The following GRIA4 variants were observed in gnomAD, a reference collection of about 807,000 sequenced individuals.
GRIA4 encodes glutamate ionotropic receptor AMPA type subunit 4, also known as glutamate receptor 4.
Under a neutral mutation model 104.0 loss-of-function variants are expected in GRIA4, and 34 were observed. The ratio of observed to expected loss-of-function variants is 0.33; its 90% CI spans 0.25 to 0.44. GRIA4 has a LOEUF of 0.44. Ranked by LOEUF, GRIA4 falls within the 20% of genes least tolerant of loss-of-function variation. The pLI, the probability that GRIA4 is intolerant of heterozygous loss-of-function variation, is 1.00. For synonymous variants in GRIA4, 386 were observed against 381.9 expected (o/e 1.01, Z -0.13); for missense variants, 750 against 1,096.5 (o/e 0.68, Z 4.46).
At chr11:105,705,884 A>C (rs1055848830) in intron 3 of GRIA4, among the ~76,000 whole-genome samples, 17 of 152,208 alleles carry the variant, frequency 1.1e-4, no homozygotes, top group Non-Finnish European at 1.2e-4. Context: ...CTTTCTATCT[A>C]GCAATGACAC....
intron 3 of GRIA4, among the ~76,000 whole-genome samples, chr11:105,636,188 A>T (rs1951197467): frequency 6.6e-6 from 1 of 152,168 alleles, no homozygotes. Flanking sequence ...TTATTAGATG[A>T]TTTTTCAAAT....
chr11:105,846,253 T>C (rs1217198194), intron 4 of GRIA4, among the ~76,000 whole-genome samples: 3 of 152,166 alleles, frequency 2.0e-5, no homozygotes, highest in Non-Finnish European at 4.4e-5. Flanking sequence ...GGAAAGCAAA[T>C]TCATTTTCAA....
rs75907004 is a variant in GRIA4 at position 105,664,280 on chromosome 11, T to G, written c.247+51846T>G. Among the ~76,000 whole-genome samples, 1,170 of 149,402 alleles carry G rather than the reference T, an allele frequency of 7.8e-3. 18 individuals are homozygous for G. The highest frequency in any genetic ancestry group is 0.046 in the East Asian group (234 of 5,040). On this transcript the variant is annotated intron_variant, in intron 3 of 16. Coordinates refer to ENST00000282499, the MANE Select transcript of GRIA4 (RefSeq NM_000829.4). ...ATAAGTGGAGGTCAGAAAAAAGAAG[T>G]GCAAATGAAGGGCCCTAGGATCAAA...
At chr11:105,919,108 CT>C (rs1449199655) in intron 11 of GRIA4, among the ~76,000 whole-genome samples, 190 bp downstream of exon 11, 2 of 152,092 alleles carry the variant, frequency 1.3e-5, no homozygotes, top group African/African-American at 4.8e-5. Context: ...AAAACTGACA[CT>C]TGGTAAGATC....
At chr11:105,782,869 G>A (rs1941789883) in intron 4 of GRIA4, among the ~76,000 whole-genome samples, 1 of 152,154 alleles carries the variant, frequency 6.6e-6, no homozygotes. Context: ...TCTCGCTTCA[G>A]CATTTACTGG....
intron 3 of GRIA4, among the ~76,000 whole-genome samples, chr11:105,646,332 C>T (rs1029606414): frequency 5.3e-5 from 8 of 152,148 alleles, no homozygotes; most frequent in African/African-American, 1.2e-4. Flanking sequence ...GGTGGCTCCA[C>T]CTGTATTTCC....
intron 5 of GRIA4, among the ~76,000 whole-genome samples, chr11:105,867,795 G>A (rs1050556979): frequency 1.3e-5 from 2 of 152,164 alleles, no homozygotes; most frequent in Non-Finnish European, 2.9e-5. Flanking sequence ...GTCATTACAG[G>A]AGAGATCTCA....
chr11:105,885,554 G>A (rs1946225302), intron 5 of GRIA4, among the ~76,000 whole-genome samples: 1 of 152,206 alleles, frequency 6.6e-6, no homozygotes, highest in Non-Finnish European at 1.5e-5. Flanking sequence ...TAGGCTGATT[G>A]GTCATTTAAT....
intron 4 of GRIA4, among the ~76,000 whole-genome samples, chr11:105,767,922 T>A (rs1002667131): frequency 6.6e-6 from 1 of 152,122 alleles, no homozygotes; most frequent in African/African-American, 2.4e-5. Context: ...CTCGCTTTAA[T>A]CTGAATCAGA....
At chr11:105,827,112 T>C (rs530053542) in intron 4 of GRIA4, among the ~76,000 whole-genome samples, 10 of 152,154 alleles carry the variant, frequency 6.6e-5, no homozygotes, top group African/African-American at 2.2e-4. Flanking sequence ...AGAACTGTGA[T>C]GGATCTCAGA....
chr11:105,623,833 C>T (rs1242484761), intron 3 of GRIA4, among the ~76,000 whole-genome samples: 1 of 151,958 alleles, frequency 6.6e-6, no homozygotes, highest in East Asian at 1.9e-4. Context: ...ATCCATATTC[C>T]CCACTAGAAT....
chr11:105,891,778 CT>C (rs1055919802), intron 6 of GRIA4, among the ~76,000 whole-genome samples: 5 of 152,134 alleles, frequency 3.3e-5, no homozygotes, highest in African/African-American at 9.7e-5. Context: ...TATAACCCCT[CT>C]GTAACAGGTA....
chr11:105,919,233 A>C (rs1381420007), intron 11 of GRIA4, among the ~76,000 whole-genome samples: 2 of 152,118 alleles, frequency 1.3e-5, no homozygotes, highest in Non-Finnish European at 2.9e-5. Flanking sequence ...TAGAACTACA[A>C]AACAAATATA....
At chr11:105,874,054 T>A (rs1160113794) in intron 5 of GRIA4, among the ~76,000 whole-genome samples, 4 of 152,100 alleles carry the variant, frequency 2.6e-5, no homozygotes, top group African/African-American at 7.2e-5. Context: ...TTTTAGGTCT[T>A]ATGTTTAAGT....
intron 3 of GRIA4, among the ~76,000 whole-genome samples, chr11:105,712,028 A>C (rs1170451415): frequency 6.6e-6 from 1 of 152,166 alleles, no homozygotes; most frequent in Non-Finnish European, 1.5e-5. Flanking sequence ...GTTTTTGAGA[A>C]GATTAAATTT....
chr11:105,631,402 A>G (rs1326399492), intron 3 of GRIA4, among the ~76,000 whole-genome samples: 1 of 152,250 alleles, frequency 6.6e-6, no homozygotes, highest in Non-Finnish European at 1.5e-5. Context: ...CGATATACTT[A>G]GATGTCAGAA....
intron 4 of GRIA4, among the ~76,000 whole-genome samples, chr11:105,780,616 G>C (rs912648920): frequency 6.6e-6 from 1 of 151,920 alleles, no homozygotes; most frequent in African/African-American, 2.4e-5. Flanking sequence ...TAGATATAAA[G>C]AAAAAAATTA....
chr11:105,664,142 C>T (rs1952094962), intron 3 of GRIA4, among the ~76,000 whole-genome samples: 1 of 147,980 alleles, frequency 6.8e-6, no homozygotes. Context: ...AAGAATATAA[C>T]ACAGCCAAGG....
intron 14 of GRIA4, among the ~76,000 whole-genome samples, chr11:105,950,591 C>T (rs551950740): frequency 6.6e-6 from 1 of 152,080 alleles, no homozygotes; most frequent in Non-Finnish European, 1.5e-5. Flanking sequence ...ATCTTACCAT[C>T]TAGTTAAATC....
Sources: gnomAD v4.1 joint callset for allele counts (sites outside exome capture counted in the v4.1 genomes callset) on GRCh38, gnomAD v4.1.1 for gene constraint, MANE v1.5 for transcripts, NCBI Gene and HGNC (gene_info 2026-07-23, HGNC 2026-07-21) for gene names.